Variants in EVI5 observed in about 807,000 individuals in gnomAD.
The protein encoded by EVI5 is ecotropic viral integration site 5.
A neutral mutation model predicts 112.0 loss-of-function variants in EVI5; 73 were observed. That is an observed-to-expected ratio of 0.65 (90% CI 0.54 to 0.79). The LOEUF (loss-of-function observed/expected upper bound fraction) is 0.79, where lower values mean the gene tolerates loss of function less well. Among genes scored for constraint, EVI5 ranks in the 30% least tolerant of loss-of-function variants. The pLI is 0.00. For missense variants in EVI5, 900 were observed against 968.8 expected (o/e 0.93, Z 0.94); for synonymous variants, 305 against 319.9 (o/e 0.95, Z 0.50).
chr1:92,515,337 T>A (rs1007888185), intron 19 of EVI5, among the ~76,000 whole-genome samples: 2 of 152,206 alleles, frequency 1.3e-5, no homozygotes, highest in Non-Finnish European at 2.9e-5. Flanking sequence ...ACTGATTTAT[T>A]TTCATCATCT....
intron 18 of EVI5, among the ~76,000 whole-genome samples, chr1:92,567,451 G>GCTCT (rs2100952777): frequency 6.6e-6 from 1 of 152,274 alleles, no homozygotes; most frequent in African/African-American, 2.4e-5. Flanking sequence ...ATGGTACCAT[G>GCTCT]CTCTATACAG....
chr1:92,772,441 CA>C (rs1683549843), intron 1 of EVI5, among the ~76,000 whole-genome samples: 1 of 150,816 alleles, frequency 6.6e-6, no homozygotes, highest in South Asian at 2.1e-4. Flanking sequence ...CTAAAAATAC[CA>C]AAAATTAGCC....
chr1:92,778,702 G>A (rs1269905933), intron 1 of EVI5, among the ~76,000 whole-genome samples: 2 of 152,120 alleles, frequency 1.3e-5, no homozygotes, highest in Non-Finnish European at 2.9e-5. Flanking sequence ...GAATTATCTT[G>A]GCAGCTTTAA....
intron 1 of EVI5, among the ~76,000 whole-genome samples, chr1:92,743,390 T>C (rs1678740336): frequency 6.6e-6 from 1 of 151,714 alleles, no homozygotes; most frequent in Non-Finnish European, 1.5e-5. Flanking sequence ...TACCACAACA[T>C]GAACACACCC....
intron 1 of EVI5, among the ~76,000 whole-genome samples, chr1:92,790,890 A>G (rs1431668586): frequency 6.6e-6 from 1 of 152,070 alleles, no homozygotes; most frequent in Non-Finnish European, 1.5e-5. Context: ...CACCGTATGC[A>G]TTCTTTAGAA....
At chr1:92,756,713 T>A (rs1471237678) in intron 1 of EVI5, 1 of 487,142 alleles carries the variant, frequency 2.1e-6, no homozygotes, top group African/African-American at 2.0e-5. Flanking sequence ...TGTATCGCCA[T>A]CCTACATCAA....
In EVI5 at chr1:92,775,084, C is replaced by T. The variant is rs182455288; in HGVS notation, c.-82+9752G>A. On this transcript the variant is annotated intron_variant, in intron 1 of 19. Transcript: ENST00000684568. The stretch of plus-strand genomic sequence containing the variant: ...TATATACAAACACAAAAGTAAAATA[C>T]AGTCATGCACCGCATAAGAACATTT... Among the ~76,000 whole-genome samples the T allele has an allele frequency of 3.8e-4, 58 of 152,280 alleles. 1 individual carries two copies. The highest frequency in any genetic ancestry group is 5.2e-4 in the Admixed American group (8 of 15,286).
At chr1:92,575,138 A>C (rs553038602) in intron 18 of EVI5, among the ~76,000 whole-genome samples, 1 of 152,230 alleles carries the variant, frequency 6.6e-6, no homozygotes, top group East Asian at 1.9e-4. Context: ...AAACTTTTCA[A>C]ATCTATAGAA....
At chr1:92,783,697 A>G (rs1369850241) in intron 1 of EVI5, among the ~76,000 whole-genome samples, 1 of 151,192 alleles carries the variant, frequency 6.6e-6, no homozygotes, top group South Asian at 2.1e-4. Context: ...CTGTAGTCCC[A>G]GCTACTCGCG....
chr1:92,721,651 A>G (rs1442121153), intron 2 of EVI5, among the ~76,000 whole-genome samples: 2 of 152,208 alleles, frequency 1.3e-5, no homozygotes, highest in Non-Finnish European at 2.9e-5. Flanking sequence ...CGTTGTGCAC[A>G]TGTACCCTAG....
intron 2 of EVI5, among the ~76,000 whole-genome samples, chr1:92,711,871 T>G (rs1453094663): frequency 6.6e-6 from 1 of 152,104 alleles, no homozygotes; most frequent in African/African-American, 2.4e-5. Context: ...CAACAGAAAT[T>G]TATTGCTCAC....
At chr1:92,631,419 G>A (rs1244263826) in intron 14 of EVI5, among the ~76,000 whole-genome samples, 1 of 152,122 alleles carries the variant, frequency 6.6e-6, no homozygotes, top group Middle Eastern at 3.2e-3. Flanking sequence ...TGGATTCCCA[G>A]GTATTTTATT....
At chr1:92,594,535 G>C (rs575656305) in intron 18 of EVI5, among the ~76,000 whole-genome samples, 4 of 150,348 alleles carry the variant, frequency 2.7e-5, no homozygotes, top group African/African-American at 9.8e-5. Flanking sequence ...AACACCAAAA[G>C]CAATGGCAAC....
At chr1:92,667,858 G>A (rs1334599886) in intron 10 of EVI5, among the ~76,000 whole-genome samples, 2 of 152,038 alleles carry the variant, frequency 1.3e-5, no homozygotes, top group Non-Finnish European at 2.9e-5. Flanking sequence ...CTCATGATCC[G>A]CCCGCCTCAG....
chr1:92,680,435 A>G (rs1317717006), intron 9 of EVI5, among the ~76,000 whole-genome samples: 1 of 152,236 alleles, frequency 6.6e-6, no homozygotes, highest in Admixed American at 6.5e-5. Context: ...AAAATAATCC[A>G]TGAATTCACA....
intron 9 of EVI5, among the ~76,000 whole-genome samples, chr1:92,677,637 C>T (rs1666960687): frequency 6.6e-6 from 1 of 152,088 alleles, no homozygotes; most frequent in Middle Eastern, 3.2e-3. Flanking sequence ...GACAACTCTT[C>T]CTTATAGAAT....
intron 13 of EVI5, among the ~76,000 whole-genome samples, chr1:92,657,391 G>A (rs4847247): frequency 0.92 from 140,287 of 152,282 alleles, 64,704 homozygotes; most frequent in East Asian, 0.97. Context: ...CGCCAGGTAC[G>A]TCGGCTCATG....
intron 3 of EVI5, chr1:92,703,899 T>C (rs1462823244): frequency 5.9e-6 from 1 of 169,176 alleles, no homozygotes; most frequent in Admixed American, 1.1e-4. Flanking sequence ...TGAATGATGG[T>C]ACAGTACCCA....
chr1:92,651,090 C>T (rs982932472), intron 13 of EVI5, among the ~76,000 whole-genome samples: 1 of 152,146 alleles, frequency 6.6e-6, no homozygotes, highest in African/African-American at 2.4e-5. Context: ...AATGTGTCTC[C>T]CCAACTAGAA....
Sources: gnomAD v4.1 joint callset for allele counts (sites outside exome capture counted in the v4.1 genomes callset) on GRCh38, gnomAD v4.1.1 for gene constraint, MANE v1.5 for transcripts, NCBI Gene and HGNC (gene_info 2026-07-23, HGNC 2026-07-21) for gene names.